BCL2A1: variants seen among roughly 807,000 people sequenced by gnomAD.
BCL2A1 encodes the protein BCL2 related protein A1.
A neutral mutation model predicts 14.4 loss-of-function variants in BCL2A1; 10 were observed. That is an observed-to-expected ratio of 0.69 (90% CI 0.43 to 1.18). BCL2A1 has a LOEUF of 1.18. BCL2A1 is among the 50% of genes most tolerant of loss of function. BCL2A1 has a pLI of 0.00. For synonymous variants in BCL2A1, 71 were observed against 76.5 expected (o/e 0.93, Z 0.38); for missense variants, 158 against 205.0 (o/e 0.77, Z 1.40).
chr15:79,967,099 G>A (rs531900708), intron 1 of BCL2A1, among the ~76,000 whole-genome samples: 3 of 152,250 alleles, frequency 2.0e-5, no homozygotes, highest in Non-Finnish European at 2.9e-5. Context: ...GAAACAAGAC[G>A]TAGGGAAGTT....
At chr15:79,965,766 G>A (rs978999894) in intron 1 of BCL2A1, among the ~76,000 whole-genome samples, 1 of 152,002 alleles carries the variant, frequency 6.6e-6, no homozygotes, top group Non-Finnish European at 1.5e-5. Context: ...AGAAAATTTT[G>A]CCCCAAAACT....
At chr15:79,962,836 G>A (rs765311234) in intron 1 of BCL2A1, among the ~76,000 whole-genome samples, 10 of 151,644 alleles carry the variant, frequency 6.6e-5, no homozygotes, top group Non-Finnish European at 1.0e-4. Flanking sequence ...GTGAGCCACC[G>A]CACCCAGCAT....
intron 1 of BCL2A1, among the ~76,000 whole-genome samples, chr15:79,969,794 G>A (rs1411286818): frequency 1.3e-5 from 2 of 152,152 alleles, no homozygotes; most frequent in South Asian, 2.1e-4. Context: ...TATTTTCTAT[G>A]GATAGATTCA....
At chr15:79,970,297 G>A (rs1272367610) in intron 1 of BCL2A1, among the ~76,000 whole-genome samples, 1 of 152,030 alleles carries the variant, frequency 6.6e-6, no homozygotes, top group East Asian at 1.9e-4. Context: ...AAAAATAACA[G>A]CATCTGATAG....
chr15:79,969,926 T>C (rs1162815095), intron 1 of BCL2A1, among the ~76,000 whole-genome samples: 3 of 152,106 alleles, frequency 2.0e-5, no homozygotes, highest in Non-Finnish European at 4.4e-5. Flanking sequence ...ATTAAGTATA[T>C]TGGAATATAA....
At chr15:79,962,096 A>G (rs8032446) in intron 1 of BCL2A1, among the ~76,000 whole-genome samples, 1,880 of 152,350 alleles carry the variant, frequency 0.012, 36 homozygotes, top group African/African-American at 0.04. Context: ...TCATCTGGCA[A>G]ACATTTACGT....
chr15:79,963,674 A>G (rs1171146876), intron 1 of BCL2A1, among the ~76,000 whole-genome samples: 1 of 152,210 alleles, frequency 6.6e-6, no homozygotes, highest in Non-Finnish European at 1.5e-5. Context: ...TTGTAATTAT[A>G]CACACATCTT....
chr15:79,967,923 T>G (rs2035557640), intron 1 of BCL2A1, among the ~76,000 whole-genome samples: 1 of 145,546 alleles, frequency 6.9e-6, no homozygotes, highest in Non-Finnish European at 1.5e-5. Context: ...TATTCAGGTG[T>G]TTTTTTTAAA....
At chr15:79,963,725 A>T (rs931305808) in intron 1 of BCL2A1, among the ~76,000 whole-genome samples, 1 of 152,194 alleles carries the variant, frequency 6.6e-6, no homozygotes, top group African/African-American at 2.4e-5. Flanking sequence ...ATCATGAGGC[A>T]GTCTTCTAAA....
chr15:79,962,226 G>A (rs945401671), intron 1 of BCL2A1, among the ~76,000 whole-genome samples: 6 of 152,122 alleles, frequency 3.9e-5, no homozygotes, highest in East Asian at 1.9e-4. Flanking sequence ...GGAGTGACTC[G>A]AGAGCTCTGC....
At position 79,967,366 on chromosome 15, in the gene BCL2A1, G is replaced by A. The variant is rs145772415; in HGVS notation, c.420+3334C>T. ...TAAGTAGCTGGGATTATAGGCATCC[G>A]CCACCAGGCCCTGCTAATTTTGTAT... On this transcript the variant is annotated intron_variant, in intron 1 of 1. Transcript: ENST00000267953. Among the ~76,000 whole-genome samples the A allele has an allele frequency of 6.4e-3, 970 of 151,758 alleles. 50 individuals carry two copies. Among genetic ancestry groups the A allele is most frequent in the Admixed American group, 0.058 (885 of 15,218 alleles).
At chr15:79,963,206 T>A (rs1212821122) in intron 1 of BCL2A1, among the ~76,000 whole-genome samples, 1 of 152,048 alleles carries the variant, frequency 6.6e-6, no homozygotes, top group Non-Finnish European at 1.5e-5. Context: ...GCCAGGATAG[T>A]CTCGATCTCT....
At position 79,968,302 on chromosome 15, in the gene BCL2A1, A is replaced by G. The variant is rs377613796; in HGVS notation, c.420+2398T>C. On this transcript the variant is annotated intron_variant, in intron 1 of 1. Coordinates refer to ENST00000267953, the MANE Select transcript of BCL2A1 (RefSeq NM_004049.4). ...TCTGTGGTCCTCTGTGCCAGAGAAC[A>G]TTTGCCTTCACCTGAAATCTACACA... Among the ~76,000 whole-genome samples the G allele has an allele frequency of 4.6e-5, 7 of 152,204 alleles. No individual in the cohort carries two copies. The East Asian group carries it at 1.4e-3, about 29-fold the overall frequency.
intron 1 of BCL2A1, chr15:79,967,754 A>G (rs1019916694): frequency 9.3e-6 from 10 of 1,078,900 alleles, no homozygotes; most frequent in Admixed American, 1.8e-5. Context: ...CATCACTATG[A>G]AAAGATGATA....
Position 79,971,095 on chromosome 15 carries a change from T to C in BCL2A1, c.25A>G (p.Ile9Val), listed in dbSNP as rs539603682. The C allele has an allele frequency of 6.2e-7, 1 of 1,613,668 alleles. No homozygotes were observed. Among genetic ancestry groups the C allele is most frequent in the South Asian group, 1.1e-5 (1 of 91,076 alleles). ...AGATAGTCCTGAGCCAGCCTGTAAATATATCCAAATTCACAGTCTGTCATC... is the reference window on the plus strand; with the variant it reads ...AGATAGTCCTGAGCCAGCCTGTAAACATATCCAAATTCACAGTCTGTCATC... MTDCEFGY[I>V]YRLAQDYLQC... The change falls in exon 1 of 2, where the codon ATT (isoleucine) becomes GTT (valine). Residue 9 changes from isoleucine to valine, a missense_variant. Coordinates refer to ENST00000267953, the MANE Select transcript of BCL2A1 (RefSeq NM_004049.4).
chr15:79,967,684 C>G, intron 1 of BCL2A1: 1 of 1,542,110 alleles, frequency 6.5e-7, no homozygotes, highest in Non-Finnish European at 9.0e-7. Context: ...TGTGATTGTG[C>G]CATTTCCCCT....
At chr15:79,967,780 A>C in intron 1 of BCL2A1, 1 of 863,068 alleles carries the variant, frequency 1.2e-6, no homozygotes, top group Non-Finnish European at 1.9e-6. Flanking sequence ...TTTCCATGCC[A>C]GTTTGCACTG....
At chr15:79,967,930 TAAAAA>T (rs397977008) in intron 1 of BCL2A1, among the ~76,000 whole-genome samples, 1 of 144,202 alleles carries the variant, frequency 6.9e-6, no homozygotes, top group Admixed American at 7.0e-5. Flanking sequence ...GTGTTTTTTT[TAAAAA>T]AAAAAAAGAG....
At chr15:79,961,205 A>C in intron 1 of BCL2A1, 31 bp from the exon 2 acceptor site, 1 of 1,583,728 alleles carries the variant, frequency 6.3e-7, no homozygotes, top group Non-Finnish European at 8.7e-7. Context: ...CACTTTAAAC[A>C]TCATTGGAGA....
Sources: gnomAD v4.1 joint callset for allele counts (sites outside exome capture counted in the v4.1 genomes callset) on GRCh38, gnomAD v4.1.1 for gene constraint, MANE v1.5 for transcripts, NCBI Gene and HGNC (gene_info 2026-07-23, HGNC 2026-07-21) for gene names.